The following IMMP2L variants were observed in gnomAD, a reference collection of about 807,000 sequenced individuals.
IMMP2L encodes the protein inner mitochondrial membrane peptidase subunit 2.
A neutral mutation model predicts 19.3 loss-of-function variants in IMMP2L; 18 were observed. The ratio of observed to expected loss-of-function variants is 0.93; its 90% CI spans 0.64 to 1.38. The LOEUF is 1.38. Ranked by LOEUF, IMMP2L falls within the 40% of genes most tolerant of loss-of-function variation. The probability of loss-of-function intolerance (pLI) is 0.00; values close to 1 mark genes in which losing one functional copy is unlikely to be tolerated. For missense variants in IMMP2L, 233 were observed against 218.2 expected (o/e 1.07, Z -0.43); for synonymous variants, 76 against 73.0 (o/e 1.04, Z -0.21).
intron 5 of IMMP2L, among the ~76,000 whole-genome samples, chr7:110,842,018 A>C (rs1805136608): frequency 6.6e-6 from 1 of 152,178 alleles, no homozygotes; most frequent in Non-Finnish European, 1.5e-5. Context: ...ACATTAAAGC[A>C]CTTAGCATGA....
chr7:110,738,373 C>A (rs1236367550), intron 5 of IMMP2L, among the ~76,000 whole-genome samples: 2 of 152,068 alleles, frequency 1.3e-5, no homozygotes, highest in African/African-American at 4.8e-5. Flanking sequence ...AAAACAATCA[C>A]AACTTCTGAA....
intron 3 of IMMP2L, among the ~76,000 whole-genome samples, chr7:111,266,561 A>G (rs1045649855): frequency 2.6e-5 from 4 of 151,720 alleles, no homozygotes; most frequent in African/African-American, 9.7e-5. Flanking sequence ...AAAAAAAAAA[A>G]AGGGATCTAG....
chr7:110,844,077 T>C (rs1476923538), intron 5 of IMMP2L, among the ~76,000 whole-genome samples: 1 of 152,144 alleles, frequency 6.6e-6, no homozygotes, highest in Non-Finnish European at 1.5e-5. Flanking sequence ...TTTTAAAAGA[T>C]CACTGCCATT....
chr7:111,039,065 A>C (rs1418006615), intron 3 of IMMP2L, among the ~76,000 whole-genome samples: 3 of 152,182 alleles, frequency 2.0e-5, no homozygotes, highest in African/African-American at 7.2e-5. Flanking sequence ...TTCTATTTCA[A>C]ACTTTGATAA....
chr7:111,372,122 C>T (rs1463063278), intron 3 of IMMP2L, among the ~76,000 whole-genome samples: 3 of 151,896 alleles, frequency 2.0e-5, no homozygotes, highest in African/African-American at 7.3e-5. Context: ...ATAAAAATTG[C>T]AAGCAATGAC....
At chr7:111,126,386 T>A (rs920641574) in intron 3 of IMMP2L, among the ~76,000 whole-genome samples, 1 of 152,166 alleles carries the variant, frequency 6.6e-6, no homozygotes, top group Non-Finnish European at 1.5e-5. Flanking sequence ...TTTCTTTTAT[T>A]TAGCTCACTC....
intron 3 of IMMP2L, among the ~76,000 whole-genome samples, chr7:111,027,094 C>T (rs969703962): frequency 6.6e-6 from 1 of 152,118 alleles, no homozygotes; most frequent in Non-Finnish European, 1.5e-5. Context: ...TGCTAACTCA[C>T]CACAGATTAA....
chr7:111,391,870 GA>G, intron 3 of IMMP2L: 1 of 702,646 alleles, frequency 1.4e-6, no homozygotes, highest in Non-Finnish European at 2.6e-6. Flanking sequence ...CTCCAGATGG[GA>G]TTCCTGCCCT....
intron 5 of IMMP2L, among the ~76,000 whole-genome samples, chr7:110,688,833 G>GTC (rs1793298310): frequency 6.6e-6 from 1 of 151,434 alleles, no homozygotes; most frequent in Non-Finnish European, 1.5e-5. Flanking sequence ...CTTTCTCTCT[G>GTC]TCTCTCTCTG....
At chr7:110,854,466 C>G (rs1277705928) in intron 5 of IMMP2L, among the ~76,000 whole-genome samples, 1 of 151,778 alleles carries the variant, frequency 6.6e-6, no homozygotes, top group African/African-American at 2.4e-5. Flanking sequence ...GTAAGTTTCA[C>G]TCTGTCAAAA....
chr7:111,170,031 A>G (rs929844783), intron 3 of IMMP2L, among the ~76,000 whole-genome samples: 3 of 151,936 alleles, frequency 2.0e-5, no homozygotes, highest in African/African-American at 7.2e-5. Context: ...GCACATCTAT[A>G]TTGCTGATGA....
chr7:111,241,591 G>A (rs992320955), intron 3 of IMMP2L, among the ~76,000 whole-genome samples: 3 of 151,834 alleles, frequency 2.0e-5, no homozygotes, highest in African/African-American at 7.3e-5. Flanking sequence ...ACACAGAATT[G>A]TTTGACTCAA....
intron 3 of IMMP2L, among the ~76,000 whole-genome samples, chr7:110,974,133 T>A (rs1164290162): frequency 6.6e-6 from 1 of 152,152 alleles, no homozygotes; most frequent in Non-Finnish European, 1.5e-5. Context: ...TGGTCTTAAA[T>A]GCCTGTGGGT....
chr7:110,773,352 C>CA (rs1482939744), intron 5 of IMMP2L, among the ~76,000 whole-genome samples: 13 of 152,070 alleles, frequency 8.5e-5, no homozygotes, highest in Admixed American at 5.2e-4. Flanking sequence ...GACACAGCCA[C>CA]AAAAAATTCA....
intron 3 of IMMP2L, among the ~76,000 whole-genome samples, chr7:111,046,431 A>C (rs185212563): frequency 5.9e-5 from 9 of 152,266 alleles, no homozygotes; most frequent in Admixed American, 3.9e-4. Flanking sequence ...TAGGAGAAAT[A>C]ATGAAAAAGA....
At chr7:111,497,924 T>C (rs570123633) in intron 2 of IMMP2L, among the ~76,000 whole-genome samples, 1 of 151,772 alleles carries the variant, frequency 6.6e-6, no homozygotes, top group South Asian at 2.1e-4. Flanking sequence ...TTAAAATAAA[T>C]AATTCTGAAA....
At chr7:110,772,733 G>A (rs1799117504) in intron 5 of IMMP2L, among the ~76,000 whole-genome samples, 1 of 152,124 alleles carries the variant, frequency 6.6e-6, no homozygotes, top group Non-Finnish European at 1.5e-5. Context: ...GACCAAGTTG[G>A]TCTTGACTCC....
intron 5 of IMMP2L, among the ~76,000 whole-genome samples, chr7:110,806,427 T>C (rs977619075): frequency 6.6e-6 from 1 of 152,058 alleles, no homozygotes; most frequent in African/African-American, 2.4e-5. Flanking sequence ...AGATATGCTA[T>C]GGATCCAAGA....
intron 1 of IMMP2L, among the ~76,000 whole-genome samples, chr7:111,548,952 G>A (rs567546824): frequency 6.6e-6 from 1 of 152,094 alleles, no homozygotes; most frequent in East Asian, 1.9e-4. Context: ...TTATGCTTTT[G>A]GAAGGAAGAC....
Sources: allele counts gnomAD v4.1 joint callset (sites outside exome capture counted in the v4.1 genomes callset), GRCh38; gene constraint gnomAD v4.1.1; transcripts MANE v1.5; gene names NCBI Gene and HGNC (gene_info 2026-07-23, HGNC 2026-07-21).